TNIK: variants seen among roughly 807,000 people sequenced by gnomAD.
TNIK encodes TRAF2 and NCK-interacting protein kinase.
In TNIK, 49 loss-of-function variants were observed where a neutral mutation model predicts 191.3. That is an observed-to-expected ratio of 0.26 (90% confidence interval 0.20 to 0.32). The LOEUF is 0.32. TNIK is among the 10% of genes least tolerant of loss of function. The pLI, the probability that TNIK is intolerant of heterozygous loss-of-function variation, is 1.00. For synonymous variants in TNIK, 594 were observed against 600.9 expected, an observed-to-expected ratio of 0.99 and a Z score of 0.17; for missense variants, 1,155 against 1,702.3, an observed-to-expected ratio of 0.68 and a Z score of 5.66.
chr3:171,264,857 C>T (rs148778283), intron 2 of TNIK, among the ~76,000 whole-genome samples: 5 of 152,268 alleles, frequency 3.3e-5, no homozygotes, highest in Non-Finnish European at 4.4e-5. Context: ...GACAGAGGCC[C>T]AGAAACACTG....
chr3:171,265,720 A>G (rs1394144008), intron 2 of TNIK, among the ~76,000 whole-genome samples: 1 of 152,262 alleles, frequency 6.6e-6, no homozygotes, highest in Non-Finnish European at 1.5e-5. Flanking sequence ...GTGATAAGCC[A>G]ATATTAATGT....
At chr3:171,255,544 C>T (rs1249413615) in intron 2 of TNIK, among the ~76,000 whole-genome samples, 1 of 152,094 alleles carries the variant, frequency 6.6e-6, no homozygotes. Flanking sequence ...GGCAAATTTC[C>T]AAAAAAGGTA....
chr3:171,205,906 C>A (rs1296622454), intron 4 of TNIK, among the ~76,000 whole-genome samples: 1 of 152,146 alleles, frequency 6.6e-6, no homozygotes, highest in Non-Finnish European at 1.5e-5. Context: ...AGGGCTCCAC[C>A]CTCATCACCT....
At chr3:171,192,798 CAG>C (rs746984551) in intron 5 of TNIK, among the ~76,000 whole-genome samples, 3 of 152,324 alleles carry the variant, frequency 2.0e-5, no homozygotes, top group East Asian at 1.9e-4. Flanking sequence ...CACATCAAAA[CAG>C]AGATAAACGT....
chr3:171,429,395 C>A (rs1183505076), intron 1 of TNIK, among the ~76,000 whole-genome samples: 1 of 152,150 alleles, frequency 6.6e-6, no homozygotes, highest in African/African-American at 2.4e-5. Flanking sequence ...CTCCACATAA[C>A]CTTCAGAAGT....
intron 1 of TNIK, among the ~76,000 whole-genome samples, chr3:171,416,647 T>C (rs1198058401): frequency 2.0e-5 from 3 of 152,200 alleles, no homozygotes; most frequent in African/African-American, 7.2e-5. Context: ...TCCATATATA[T>C]CATGTCCTTC....
At chr3:171,256,472 CTT>C (rs1746888978) in intron 2 of TNIK, among the ~76,000 whole-genome samples, 1 of 152,190 alleles carries the variant, frequency 6.6e-6, no homozygotes, top group Non-Finnish European at 1.5e-5. Context: ...CTGGGGAACT[CTT>C]TTCTCCAATA....
In TNIK at chr3:171,116,413, A is replaced by C. The variant is rs568940864; in HGVS notation, c.2121-5536T>G. Among the ~76,000 whole-genome samples, 9 of 152,384 alleles carry C rather than the reference A, an allele frequency of 5.9e-5. No homozygotes were observed. The South Asian group carries it at 1.9e-3, about 32-fold the overall frequency. On this transcript the variant is annotated intron_variant, in intron 18 of 32. Transcript: ENST00000436636. ...AGTTCAGACATTTGCCATCCTGCAG[A>C]TAATGCTGCTAGGTCTATAAAACTC...
chr3:171,402,399 C>A (rs1211529473), intron 1 of TNIK, among the ~76,000 whole-genome samples: 1 of 152,204 alleles, frequency 6.6e-6, no homozygotes. Context: ...TATTCGGTGT[C>A]CAATGCACAG....
intron 2 of TNIK, among the ~76,000 whole-genome samples, chr3:171,277,978 T>A (rs1330392747): frequency 1.3e-5 from 2 of 152,158 alleles, no homozygotes; most frequent in Non-Finnish European, 2.9e-5. Context: ...CAGGGAGCCA[T>A]GATCATGCCA....
At chr3:171,086,899 A>C (rs1281453327) in intron 24 of TNIK, among the ~76,000 whole-genome samples, 1 of 152,210 alleles carries the variant, frequency 6.6e-6, no homozygotes, top group Non-Finnish European at 1.5e-5. Flanking sequence ...CTATTTATTA[A>C]ATTTTATTTT....
chr3:171,220,916 A>G (rs2108958164), intron 3 of TNIK, among the ~76,000 whole-genome samples: 1 of 152,288 alleles, frequency 6.6e-6, no homozygotes, highest in Non-Finnish European at 1.5e-5. Context: ...TACACATACA[A>G]CAAGCCCAAC....
At chr3:171,394,143 T>C (rs1719927815) in intron 1 of TNIK, among the ~76,000 whole-genome samples, 1 of 152,174 alleles carries the variant, frequency 6.6e-6, no homozygotes, top group South Asian at 2.1e-4. Context: ...CTGGGGCAAA[T>C]CTTGTCCTGT....
intron 2 of TNIK, among the ~76,000 whole-genome samples, chr3:171,358,024 G>A (rs546193287): frequency 7.2e-5 from 11 of 152,044 alleles, no homozygotes; most frequent in South Asian, 2.1e-4. Flanking sequence ...GTGTTGTGTC[G>A]GCAAAGGGAC....
In TNIK at chr3:171,324,102, G is replaced by A. The variant is rs185507188; in HGVS notation, c.123+45518C>T. On this transcript the variant is annotated intron_variant, in intron 2 of 32. Transcript: ENST00000436636. ...ATCCCAGTAGCTACTGGCAGTGACA[G>A]CTGGTCATTCCCAAGCAGAACGTCA... Among the ~76,000 whole-genome samples the A allele has an allele frequency of 3.3e-5, 5 of 150,684 alleles. No individual in the cohort carries two copies. The East Asian group carries it at 5.8e-4, about 18-fold the overall frequency.
At chr3:171,421,120 G>A (rs1347202209) in intron 1 of TNIK, among the ~76,000 whole-genome samples, 4 of 152,154 alleles carry the variant, frequency 2.6e-5, no homozygotes, top group Non-Finnish European at 5.9e-5. Flanking sequence ...AGGTTAGACA[G>A]TAAACTAAGT....
chr3:171,392,000 A>G (rs1719581538), intron 1 of TNIK, among the ~76,000 whole-genome samples: 1 of 152,196 alleles, frequency 6.6e-6, no homozygotes, highest in East Asian at 1.9e-4. Flanking sequence ...AAAACCTGCT[A>G]ATGTCTGCAA....
At chr3:171,248,306 A>C (rs531045403) in intron 2 of TNIK, among the ~76,000 whole-genome samples, 1 of 152,324 alleles carries the variant, frequency 6.6e-6, no homozygotes, top group Admixed American at 6.5e-5. Context: ...CAGGGAAAAC[A>C]GGAGAAGGAA....
At chr3:171,344,863 C>A (rs947374453) in intron 2 of TNIK, among the ~76,000 whole-genome samples, 2 of 152,108 alleles carry the variant, frequency 1.3e-5, no homozygotes, top group African/African-American at 2.4e-5. Flanking sequence ...ATTTAACTCT[C>A]TTTATATTTG....
Sources: gnomAD v4.1 joint callset for allele counts (sites outside exome capture counted in the v4.1 genomes callset) on GRCh38, gnomAD v4.1.1 for gene constraint, MANE v1.5 for transcripts, NCBI Gene and HGNC (gene_info 2026-07-23, HGNC 2026-07-21) for gene names.